QKI: variants seen among roughly 807,000 people sequenced by gnomAD.
QKI encodes the protein KH domain-containing RNA-binding protein QKI.
A neutral mutation model predicts 39.0 loss-of-function variants in QKI; 10 were observed. The observed-to-expected ratio is 0.26, with a 90% CI of 0.16 to 0.43. The LOEUF (loss-of-function observed/expected upper bound fraction) is 0.43. QKI is among the 20% of genes least tolerant of loss of function. The pLI is 1.00. For synonymous variants in QKI, 204 were observed against 155.4 expected (o/e 1.31, Z -2.33); for missense variants, 218 against 428.0 (o/e 0.51, Z 4.33).
At chr6:163,432,304 G>C (rs1357389062) in intron 1 of QKI, among the ~76,000 whole-genome samples, 1 of 152,100 alleles carries the variant, frequency 6.6e-6, no homozygotes, top group African/African-American at 2.4e-5. Context: ...TTCCAGCAGG[G>C]TGAATCTAGG....
intron 2 of QKI, among the ~76,000 whole-genome samples, chr6:163,466,163 C>T (rs1176539963): frequency 6.7e-6 from 1 of 149,764 alleles, no homozygotes; most frequent in Admixed American, 6.7e-5. Context: ...TTTACAATAG[C>T]ATCGGAAAGA....
chr6:163,527,429 T>C (rs975548691), intron 3 of QKI, among the ~76,000 whole-genome samples: 5 of 152,202 alleles, frequency 3.3e-5, no homozygotes, highest in Non-Finnish European at 5.9e-5. Context: ...GTAACACTTT[T>C]GAATTCTGTT....
intron 2 of QKI, among the ~76,000 whole-genome samples, chr6:163,474,708 G>A (rs985609067): frequency 4.6e-5 from 7 of 151,362 alleles, no homozygotes; most frequent in African/African-American, 1.7e-4. Flanking sequence ...GGGGTGGAGT[G>A]GGGGTGAGGA....
At chr6:163,555,175 A>AT (rs1782506631) in intron 4 of QKI, among the ~76,000 whole-genome samples, 1 of 152,154 alleles carries the variant, frequency 6.6e-6, no homozygotes, top group Non-Finnish European at 1.5e-5. Flanking sequence ...AAACTAATTC[A>AT]TTTTTTAAAA....
intron 1 of QKI, among the ~76,000 whole-genome samples, chr6:163,440,077 A>G (rs553256776): frequency 6.6e-6 from 1 of 151,992 alleles, no homozygotes; most frequent in African/African-American, 2.4e-5. Flanking sequence ...CCCTCATTGT[A>G]TATGTCTCTA....
At chr6:163,421,994 C>T (rs1249168066) in intron 1 of QKI, among the ~76,000 whole-genome samples, 6 of 151,810 alleles carry the variant, frequency 4.0e-5, no homozygotes, top group Admixed American at 6.6e-5. Flanking sequence ...CTGACCGCCT[C>T]GGCTCTTGAC....
intron 6 of QKI, chr6:163,564,689 G>C: frequency 6.2e-7 from 1 of 1,614,024 alleles, no homozygotes; most frequent in South Asian, 1.1e-5. Context: ...TGCCAGTCAT[G>C]CCTGATATTT....
intron 3 of QKI, among the ~76,000 whole-genome samples, chr6:163,532,094 T>C (rs1260600726): frequency 6.6e-6 from 1 of 152,252 alleles, no homozygotes; most frequent in Non-Finnish European, 1.5e-5. Flanking sequence ...CAAATAATAC[T>C]GCAACTTTGT....
At chr6:163,559,202 G>A (rs1317561917) in intron 4 of QKI, among the ~76,000 whole-genome samples, 2 of 151,524 alleles carry the variant, frequency 1.3e-5, no homozygotes, top group African/African-American at 4.9e-5. Context: ...CTCGTCTTTC[G>A]TCTTTATTTC....
intron 3 of QKI, among the ~76,000 whole-genome samples, chr6:163,507,015 GA>G (rs1256383746): frequency 1.3e-5 from 2 of 152,148 alleles, no homozygotes; most frequent in African/African-American, 2.4e-5. Flanking sequence ...ATTCTGCGAT[GA>G]TTAAAGGAAA....
chr6:163,514,029 ACCT>A (rs1171974751), intron 3 of QKI, among the ~76,000 whole-genome samples: 1 of 151,670 alleles, frequency 6.6e-6, no homozygotes, highest in Non-Finnish European at 1.5e-5. Context: ...TCTACCCTTG[ACCT>A]CCTCAGTTGC....
chr6:163,520,777 T>C (rs1465642686), intron 3 of QKI, among the ~76,000 whole-genome samples: 1 of 152,226 alleles, frequency 6.6e-6, no homozygotes. Context: ...ATGGAAAAAC[T>C]GCATTATTTA....
chr6:163,565,337 T>C, intron 6 of QKI: 2 of 986,454 alleles, frequency 2.0e-6, no homozygotes, highest in Non-Finnish European at 2.4e-6. Flanking sequence ...CTTGACTTCC[T>C]GCAGGGCTGG....
intron 3 of QKI, among the ~76,000 whole-genome samples, chr6:163,493,128 C>G (rs2128228935): frequency 8.2e-6 from 1 of 121,774 alleles, no homozygotes; most frequent in Non-Finnish European, 1.6e-5. Context: ...AAGTCATCTA[C>G]AATACTTTTT....
chr6:163,487,525 T>A (rs1051359086), intron 3 of QKI, among the ~76,000 whole-genome samples: 1 of 152,210 alleles, frequency 6.6e-6, no homozygotes, highest in Non-Finnish European at 1.5e-5. Flanking sequence ...TTTAAAATAA[T>A]TTGTTTTAAT....
At chr6:163,565,963 A>G in intron 6 of QKI, 1 of 1,613,454 alleles carries the variant, frequency 6.2e-7, no homozygotes, top group Non-Finnish European at 8.5e-7. Flanking sequence ...TTTCCCAACG[A>G]AAGGCTAAGA....
In QKI at chr6:163,544,189, A is replaced by G. The variant is rs555456156; in HGVS notation, c.546+9064A>G. ...CAAAGAGAGCAAAATTTAAATTTGC[A>G]TCCTTCAAGCACTACATTGAATCCA... On this transcript the variant is annotated intron_variant, in intron 4 of 7. Coordinates refer to ENST00000361752, the MANE Select transcript of QKI (RefSeq NM_006775.3). Among the ~76,000 whole-genome samples, 5 of 152,248 alleles carry G rather than the reference A, an allele frequency of 3.3e-5. 1 individual carries two copies. The highest frequency in any genetic ancestry group is 6.5e-5 in the Admixed American group (1 of 15,272).
chr6:163,472,734 T>C (rs1266058881), intron 2 of QKI, among the ~76,000 whole-genome samples: 1 of 152,194 alleles, frequency 6.6e-6, no homozygotes, highest in African/African-American at 2.4e-5. Context: ...CAGGAAATTA[T>C]ATGTTGAAAT....
At chr6:163,495,924 C>T (rs572423554) in intron 3 of QKI, among the ~76,000 whole-genome samples, 2 of 152,204 alleles carry the variant, frequency 1.3e-5, no homozygotes, top group South Asian at 4.1e-4. Flanking sequence ...TGTATTGTCA[C>T]CGTAAAGGTA....
Sources: allele counts gnomAD v4.1 joint callset (sites outside exome capture counted in the v4.1 genomes callset), GRCh38; gene constraint gnomAD v4.1.1; transcripts MANE v1.5; gene names NCBI Gene and HGNC (gene_info 2026-07-23, HGNC 2026-07-21).